The following C8A variants were observed in gnomAD, a reference collection of about 807,000 sequenced individuals.
C8A encodes complement component C8 alpha chain.
C8A carries 67 observed loss-of-function variants against 65.3 expected under a neutral mutation model. That is an observed-to-expected ratio of 1.03 (90% CI 0.84 to 1.26). The LOEUF (loss-of-function observed/expected upper bound fraction) is 1.26, where lower values mean the gene tolerates loss of function less well. C8A is among the 50% of genes most tolerant of loss of function. The pLI, the probability that C8A is intolerant of heterozygous loss-of-function variation, is 0.00. For synonymous variants in C8A, 290 were observed against 259.4 expected, an observed-to-expected ratio of 1.12 and a Z score of -1.13; for missense variants, 781 against 723.9, an observed-to-expected ratio of 1.08 and a Z score of -0.90.
intron 1 of C8A, among the ~76,000 whole-genome samples, chr1:56,864,181 CT>C (rs1644061839): frequency 6.6e-6 from 1 of 152,018 alleles, no homozygotes. Flanking sequence ...AAATATTTCC[CT>C]AAGGAATTGA....
In C8A at chr1:56,885,927, A is replaced by G. The variant is rs1382425856; in HGVS notation, c.856A>G (p.Lys286Glu). The G allele has an allele frequency of 6.2e-7, 1 of 1,613,926 alleles. No homozygotes were observed. The highest frequency in any genetic ancestry group is 1.7e-5 in the Admixed American group (1 of 59,998). ...TTTATTCAATGGCGGTTGCTGGCAG[A>G]AATTCATTTTCACAAGAATCTTCAC... is the stretch of plus-strand genomic sequence containing the variant. Reference protein sequence around the residue: ...LNELNKYNEKKFIFTRIFTKV... With the variant: ...LNELNKYNEKEFIFTRIFTKV... Residue 286 changes from lysine (K) to glutamate (E), a missense_variant and splice_region_variant, in exon 7 of 11, where the codon AAA becomes GAA. Lys to Glu is a moderately conservative substitution (Grantham distance 56). Coordinates refer to ENST00000361249, the MANE Select transcript of C8A (RefSeq NM_000562.3).
intron 9 of C8A, 93 bp from the exon 10 acceptor site, chr1:56,912,310 T>A (rs910752020): frequency 8.7e-7 from 1 of 1,146,750 alleles, no homozygotes; most frequent in Non-Finnish European, 1.3e-6. Flanking sequence ...CTGGCATGTA[T>A]CAGGCCTTCC....
intron 4 of C8A, 61 bp from the exon 5 acceptor site, chr1:56,881,384 A>G (rs1644245852): frequency 1.6e-5 from 25 of 1,548,200 alleles, no homozygotes; most frequent in Non-Finnish European, 2.2e-5. Flanking sequence ...AGATCATCCC[A>G]TCACCCAGGT....
At chr1:56,875,935 G>T in intron 3 of C8A, 127 bp from the exon 4 acceptor site, 1 of 1,304,808 alleles carries the variant, frequency 7.7e-7, no homozygotes, top group Middle Eastern at 2.6e-4. Flanking sequence ...GGCAGAGGCA[G>T]TGAGAACAGA....
At chr1:56,905,432 G>A (rs1176740549) in intron 7 of C8A, among the ~76,000 whole-genome samples, 2 of 152,152 alleles carry the variant, frequency 1.3e-5, no homozygotes, top group Non-Finnish European at 2.9e-5. Flanking sequence ...AAGACTCGGG[G>A]CATTCATTTA....
intron 2 of C8A, among the ~76,000 whole-genome samples, chr1:56,871,090 A>G (rs932810663): frequency 3.9e-5 from 6 of 152,218 alleles, no homozygotes; most frequent in African/African-American, 1.4e-4. Context: ...TTGCACCATA[A>G]TTCCCAGTAT....
intron 7 of C8A, among the ~76,000 whole-genome samples, chr1:56,894,469 A>G (rs1020722194): frequency 6.6e-6 from 1 of 152,134 alleles, no homozygotes; most frequent in Admixed American, 6.6e-5. Flanking sequence ...CCTGGCCCTG[A>G]TGGATACCAG....
intron 5 of C8A, 151 bp downstream of exon 5, chr1:56,881,785 G>A (rs551015653): frequency 5.3e-6 from 4 of 749,132 alleles, no homozygotes; most frequent in Non-Finnish European, 9.2e-6. Flanking sequence ...CCCCACACAT[G>A]CTTAGTGTCG....
Position 56,918,079 on chromosome 1 carries a change from C to T in C8A, c.*363C>T, listed in dbSNP as rs776420160. The T allele has an allele frequency of 8.8e-5, 18 of 204,048 alleles. No homozygotes were observed. Among genetic ancestry groups the T allele is most frequent in the Admixed American group, 4.3e-4 (8 of 18,542 alleles). The allele number at this position is 204,048 out of a possible 1,614,324, so 12.6% of individuals were successfully genotyped here. ...ACAAGCAGACACCTGAAACAATCAACGCCCAATAAAACAAAGTAGGATGAA... is the reference window on the plus strand; with the variant it reads ...ACAAGCAGACACCTGAAACAATCAATGCCCAATAAAACAAAGTAGGATGAA... On this transcript the variant is annotated 3_prime_UTR_variant, in exon 11 of 11. Coordinates refer to ENST00000361249, the MANE Select transcript of C8A (RefSeq NM_000562.3).
intron 6 of C8A, among the ~76,000 whole-genome samples, chr1:56,884,832 G>T (rs183918962): frequency 1.4e-3 from 220 of 152,076 alleles, no homozygotes; most frequent in African/African-American, 4.9e-3. Flanking sequence ...AACTCCATGG[G>T]GGCAGGAGCC....
At chr1:56,912,106 G>C (rs1620115) in intron 9 of C8A, among the ~76,000 whole-genome samples, 15,598 of 152,178 alleles carry the variant, frequency 0.1, 1,251 homozygotes, top group African/African-American at 0.22. Context: ...AGCTGTGTGG[G>C]CTGGGACTTT....
At chr1:56,899,054 G>C (rs1644406143) in intron 7 of C8A, among the ~76,000 whole-genome samples, 1 of 152,170 alleles carries the variant, frequency 6.6e-6, no homozygotes, top group South Asian at 2.1e-4. Context: ...CAAGCTCCAG[G>C]CTTTATCCCC....
chr1:56,897,055 T>G (rs549842130), intron 7 of C8A, among the ~76,000 whole-genome samples: 1 of 152,316 alleles, frequency 6.6e-6, no homozygotes. Flanking sequence ...TAATTCCAAG[T>G]GCAGTGTTTC....
chr1:56,895,184 T>C (rs751888573), intron 7 of C8A, among the ~76,000 whole-genome samples: 7 of 152,188 alleles, frequency 4.6e-5, no homozygotes, highest in Non-Finnish European at 1.0e-4. Flanking sequence ...CCTTTTTCCA[T>C]ACATTCTGTC....
intron 7 of C8A, among the ~76,000 whole-genome samples, chr1:56,903,696 G>T (rs370300930): frequency 6.6e-6 from 1 of 152,182 alleles, no homozygotes; most frequent in Non-Finnish European, 1.5e-5. Flanking sequence ...GAGTCCTGTG[G>T]CAAGCCACCA....
chr1:56,886,235 C>T, intron 7 of C8A, 68 bp downstream of exon 7: 1 of 1,586,200 alleles, frequency 6.3e-7, no homozygotes, highest in Middle Eastern at 1.7e-4. Context: ...TTGAAGTTTT[C>T]TAAGCACTGA....
chr1:56,917,577 A>T lies in C8A; in HGVS notation c.1616A>T (p.Asp539Val), dbSNP rs764690632. The T allele has an allele frequency of 1.2e-6, 2 of 1,614,158 alleles. No homozygotes were observed. Among genetic ancestry groups the T allele is most frequent in the Non-Finnish European group, 1.7e-6 (2 of 1,180,032 alleles). The change falls in exon 11 of 11, where the codon GAT becomes GTT. Residue 539 changes from aspartate to valine, a missense_variant. Transcript: ENST00000361249. ...ATTTCCTCTGCAGGAGCCAAAGCAGATGGGAGCTGGAGTTGCTGGAGCTCC... is the reference window on the plus strand; with the variant it reads ...ATTTCCTCTGCAGGAGCCAAAGCAGTTGGGAGCTGGAGTTGCTGGAGCTCC... ...EQTQTEGAKA[D>V]GSWSCWSSWS... is the part of the protein sequence containing the mutation.
chr1:56,907,360 T>A (rs560286648), intron 8 of C8A, among the ~76,000 whole-genome samples: 1 of 152,300 alleles, frequency 6.6e-6, no homozygotes, highest in South Asian at 2.1e-4. Flanking sequence ...GGAATAGATA[T>A]TAATCAGGTT....
rs770292474 is a variant in C8A at position 56,883,582 on chromosome 1, C to T, written c.756C>T (p.Ile252=). 28 of 1,613,738 alleles carry T rather than the reference C, an allele frequency of 1.7e-5. No homozygotes were observed. The highest frequency in any genetic ancestry group is 1.6e-4 in the African/African-American group (12 of 74,898). Residue 252 remains isoleucine, a synonymous_variant, in exon 6 of 11, where the codon ATC becomes ATT. Transcript: ENST00000361249. ...AGTCTGACTCATTTGGAGTGACCAT[C>T]GGCATAGGCCCAGCCGGCAGCCCTT... ...KDKSDSFGVT[I]GIGPAGSPLL...
Sources: allele counts gnomAD v4.1 joint callset (sites outside exome capture counted in the v4.1 genomes callset), GRCh38; gene constraint gnomAD v4.1.1; transcripts MANE v1.5; gene names NCBI Gene and HGNC (gene_info 2026-07-23, HGNC 2026-07-21).